The following SLC25A26 variants were observed in gnomAD, a reference collection of about 807,000 sequenced individuals.
The protein encoded by SLC25A26 is solute carrier family 25 member 26.
In SLC25A26, 36 loss-of-function variants were observed where a neutral mutation model predicts 37.8. The ratio of observed to expected loss-of-function variants is 0.95; its 90% CI spans 0.73 to 1.26. SLC25A26 has a LOEUF of 1.26. SLC25A26 is among the 50% of genes most tolerant of loss of function. The probability of loss-of-function intolerance (pLI) is 0.00; values close to 1 mark genes in which losing one functional copy is unlikely to be tolerated. For synonymous variants in SLC25A26, 129 were observed against 122.5 expected, an observed-to-expected ratio of 1.05 and a Z score of -0.35; for missense variants, 390 against 331.1, an observed-to-expected ratio of 1.18 and a Z score of -1.38.
chr3:66,183,479 G>A (rs928088998), intron 1 of SLC25A26, among the ~76,000 whole-genome samples: 13 of 151,546 alleles, frequency 8.6e-5, no homozygotes, highest in African/African-American at 3.2e-4. Flanking sequence ...TGGCCCTCAC[G>A]CTGACTCTGA....
At chr3:66,343,308 T>C (rs1187109895) in intron 5 of SLC25A26, among the ~76,000 whole-genome samples, 1 of 152,238 alleles carries the variant, frequency 6.6e-6, no homozygotes, top group Non-Finnish European at 1.5e-5. Context: ...ACTTGAAGAA[T>C]ATTTGAAAAA....
chr3:66,189,549 A>G (rs2070896127), intron 1 of SLC25A26, among the ~76,000 whole-genome samples: 1 of 152,196 alleles, frequency 6.6e-6, no homozygotes, highest in Non-Finnish European at 1.5e-5. Context: ...TTGAACATGA[A>G]ATCTTATACA....
At chr3:66,369,063 CAAA>C in intron 7 of SLC25A26, among the ~76,000 whole-genome samples, 1 of 23,464 alleles carries the variant, frequency 4.3e-5, no homozygotes, top group Non-Finnish European at 7.9e-5. Context: ...AAAAAAAAAA[CAAA>C]AGACAGTGGC....
At chr3:66,294,500 G>T (rs1034482750) in intron 5 of SLC25A26, among the ~76,000 whole-genome samples, 11 of 152,106 alleles carry the variant, frequency 7.2e-5, no homozygotes, top group African/African-American at 2.7e-4. Context: ...TTTATTGAAA[G>T]CCTTTTCTGT....
chr3:66,249,271 T>C (rs935007859), intron 3 of SLC25A26, among the ~76,000 whole-genome samples: 3 of 152,182 alleles, frequency 2.0e-5, no homozygotes, highest in Admixed American at 6.5e-5. Context: ...AGGCAGCTTG[T>C]TTTATGGTTT....
At chr3:66,202,507 G>A (rs1233540176) in intron 1 of SLC25A26, among the ~76,000 whole-genome samples, 1 of 138,614 alleles carries the variant, frequency 7.2e-6, no homozygotes, top group Non-Finnish European at 1.5e-5. Flanking sequence ...TTCTACACAT[G>A]TATCCGAGAA....
chr3:66,209,898 T>TTATATATATATATATA lies in SLC25A26; in HGVS notation c.-353-10810_-353-10795dup, dbSNP rs1159734636. ...TATACTCCTCTCTCTCTCTCTCTAT[T>TTATATATATATATATA]TATATATATATATATATATATATAT... On this transcript the variant is annotated intron_variant, in intron 1 of 10. Transcript: ENST00000676754. Among the ~76,000 whole-genome samples, 138 of 38,558 alleles carry TTATATATATATATATA rather than the reference T, an allele frequency of 3.6e-3. 13 individuals carry two copies. Among genetic ancestry groups the TTATATATATATATATA allele is most frequent in the South Asian group, 4.8e-3 (4 of 828 alleles). 25.3% of individuals were successfully genotyped at this position (38,558 alleles called of 152,430 possible). A position where few individuals can be genotyped will look rare whatever the true frequency, so the allele number is the denominator to read the frequency against.
intron 1 of SLC25A26, among the ~76,000 whole-genome samples, chr3:66,152,469 C>T (rs1436061428): frequency 6.6e-6 from 1 of 152,140 alleles, no homozygotes; most frequent in East Asian, 1.9e-4. Context: ...CACCAAGTCT[C>T]CAGCTCTGTT....
At chr3:66,249,924 T>G (rs1032164296) in intron 3 of SLC25A26, among the ~76,000 whole-genome samples, 1 of 152,214 alleles carries the variant, frequency 6.6e-6, no homozygotes, top group African/African-American at 2.4e-5. Context: ...AACACTTTTT[T>G]TGTGTGATGT....
chr3:66,252,460 G>C (rs993588977), intron 3 of SLC25A26, among the ~76,000 whole-genome samples: 1 of 152,218 alleles, frequency 6.6e-6, no homozygotes, highest in Non-Finnish European at 1.5e-5. Flanking sequence ...AAGTTACACA[G>C]ATCGGGGTCA....
chr3:66,363,082 GAAA>G (rs75455775), intron 7 of SLC25A26, 153 bp downstream of exon 7: 3 of 128,058 alleles, frequency 2.3e-5, no homozygotes, highest in East Asian at 2.3e-4. Flanking sequence ...TCTTAGAGGG[GAAA>G]AAAAAAAAAA....
At chr3:66,231,638 A>T (rs2072036721) in intron 1 of SLC25A26, among the ~76,000 whole-genome samples, 1 of 152,204 alleles carries the variant, frequency 6.6e-6, no homozygotes. Context: ...ACTTCTAATT[A>T]TGCATATACA....
rs2071259837 is a variant in SLC25A26 at position 66,209,911 on chromosome 3, TATATATATATA to T, written c.-353-10830_-353-10820del. ...CTCTCTCTCTATTTATATATATATA[TATATATATATA>T]TATATATATATATATATATATATAT... On this transcript the variant is annotated intron_variant, in intron 1 of 10. Transcript: ENST00000676754. 4.0e-4 allele frequency among the ~76,000 whole-genome samples: 11 copies of T among 27,448 alleles called. 2 individuals are homozygous for T. The highest frequency in any genetic ancestry group is 2.2e-3 in the Admixed American group (5 of 2,312). The allele number at this position is 27,448 out of a possible 152,430, so 18.0% of individuals were successfully genotyped here.
At chr3:66,367,997 G>A (rs2076862674) in intron 7 of SLC25A26, among the ~76,000 whole-genome samples, 1 of 152,146 alleles carries the variant, frequency 6.6e-6, no homozygotes, top group Admixed American at 6.5e-5. Flanking sequence ...TGACATTCAG[G>A]GGTAACCAGA....
intron 7 of SLC25A26, among the ~76,000 whole-genome samples, chr3:66,366,619 T>C (rs2076829438): frequency 6.6e-6 from 1 of 152,234 alleles, no homozygotes; most frequent in South Asian, 2.1e-4. Context: ...ACTAAAGGAA[T>C]GGTAAATCTT....
intron 1 of SLC25A26, 65 bp from the exon 2 acceptor site, chr3:66,236,479 T>A (rs956885058): frequency 4.6e-6 from 6 of 1,311,860 alleles, no homozygotes; most frequent in Admixed American, 2.7e-5. Flanking sequence ...CGCCCCCAAG[T>A]GGCCGAGAGC....
rs562195580 is a variant in SLC25A26 at position 66,362,384 on chromosome 3, G to A, written c.499-476G>A. Among the ~76,000 whole-genome samples the A allele has an allele frequency of 2.1e-3, 324 of 152,006 alleles. 3 individuals carry two copies. Among genetic ancestry groups the A allele is most frequent in the African/African-American group, 7.4e-3 (306 of 41,398 alleles). ...AGGCAACTGTTGATATCTGCATGACGTGGGTGAATCACGAAATAATTCTGA... is the reference window on the plus strand; with the variant it reads ...AGGCAACTGTTGATATCTGCATGACATGGGTGAATCACGAAATAATTCTGA... On this transcript the variant is annotated intron_variant, in intron 6 of 9. Coordinates refer to ENST00000354883, the MANE Select transcript of SLC25A26 (RefSeq NM_001379210.1).
At chr3:66,154,594 A>G (rs946071260) in intron 1 of SLC25A26, among the ~76,000 whole-genome samples, 7 of 138,860 alleles carry the variant, frequency 5.0e-5, no homozygotes, top group African/African-American at 1.9e-4. Context: ...GACTGAGTGC[A>G]GTGACGCCAT....
chr3:66,351,328 C>G (rs966408178), intron 6 of SLC25A26, among the ~76,000 whole-genome samples: 1 of 152,096 alleles, frequency 6.6e-6, no homozygotes, highest in African/African-American at 2.4e-5. Flanking sequence ...TGAAAGAGGA[C>G]AAGACACCAT....
Sources: allele counts gnomAD v4.1 joint callset (sites outside exome capture counted in the v4.1 genomes callset), GRCh38; gene constraint gnomAD v4.1.1; transcripts MANE v1.5; gene names NCBI Gene and HGNC (gene_info 2026-07-23, HGNC 2026-07-21).